RIMS2: variants seen among roughly 807,000 people sequenced by gnomAD.
The protein encoded by RIMS2 is regulating synaptic membrane exocytosis protein 2.
Under a neutral mutation model 174.4 loss-of-function variants are expected in RIMS2, and 59 were observed. The observed-to-expected ratio is 0.34, with a 90% CI of 0.27 to 0.42. The LOEUF is 0.42. Ranked by LOEUF, RIMS2 falls within the 10% of genes least tolerant of loss-of-function variation. RIMS2 has a pLI of 1.00. For missense variants in RIMS2, 1,620 were observed against 1,666.3 expected, an observed-to-expected ratio of 0.97 and a Z score of 0.48; for synonymous variants, 606 against 572.5, an observed-to-expected ratio of 1.06 and a Z score of -0.84.
At chr8:104,093,944 A>G (rs1390903143) in intron 19 of RIMS2, among the ~76,000 whole-genome samples, 1 of 151,948 alleles carries the variant, frequency 6.6e-6, no homozygotes, top group African/African-American at 2.4e-5. Flanking sequence ...AATAAAAGTG[A>G]TGGCTGAGAC....
intron 19 of RIMS2, among the ~76,000 whole-genome samples, chr8:104,219,456 CT>C (rs370580107): frequency 2.6e-3 from 392 of 152,284 alleles, no homozygotes; most frequent in African/African-American, 8.7e-3. Context: ...TGATGACATT[CT>C]GTCAGGATTG....
chr8:104,135,613 CAAA>C (rs35163912), intron 19 of RIMS2, among the ~76,000 whole-genome samples: 50 of 79,644 alleles, frequency 6.3e-4, no homozygotes, highest in South Asian at 2.6e-3. Flanking sequence ...CTCCCAACCT[CAAA>C]AAAAAAAAAA....
At chr8:103,728,445 T>C (rs1416788874) in intron 2 of RIMS2, among the ~76,000 whole-genome samples, 1 of 152,094 alleles carries the variant, frequency 6.6e-6, no homozygotes, top group Non-Finnish European at 1.5e-5. Context: ...GGTTGCTCTG[T>C]CTAGGACTTC....
At position 104,235,265 on chromosome 8, in the gene RIMS2, G is replaced by A. The variant is rs576136846; in HGVS notation, c.3335-9651G>A. Among the ~76,000 whole-genome samples the A allele has an allele frequency of 1.7e-3, 266 of 152,244 alleles. 1 individual carries two copies. The highest frequency in any genetic ancestry group is 5.9e-3 in the African/African-American group (247 of 41,564). On this transcript the variant is annotated intron_variant, in intron 19 of 23. Transcript: ENST00000504942. Reference sequence around the variant, plus strand: ...TAGAAATTTGTGTCCAAAATACTAAGTGAAGATGGAAGCCCAGCATGCTTT... The same window carrying A: ...TAGAAATTTGTGTCCAAAATACTAAATGAAGATGGAAGCCCAGCATGCTTT...
rs778105581 is a variant in RIMS2, at chr8:104,068,508, A to G, written c.3334+53893A>G. ...AATTTTATGGGTTTTTTTCTACTCG[A>G]TAGGTACTATGGATATAGAGGAGAG... is the stretch of plus-strand genomic sequence containing the variant. On this transcript the variant is annotated intron_variant, in intron 19 of 23. Coordinates refer to ENST00000504942, the Ensembl canonical transcript of RIMS2. 5 of 1,351,000 alleles carry G rather than the reference A, an allele frequency of 3.7e-6. No individual in the cohort carries two copies. The highest frequency in any genetic ancestry group is 1.8e-4 in the Middle Eastern group (1 of 5,606). 83.7% of individuals were successfully genotyped at this position (1,351,000 alleles called of 1,614,324 possible).
chr8:103,870,352 CCACCACCACCAT>C (rs1431581395), intron 3 of RIMS2, among the ~76,000 whole-genome samples: 2 of 151,766 alleles, frequency 1.3e-5, no homozygotes, highest in East Asian at 1.9e-4. Context: ...ACTCTTATCA[CCACCACCACCAT>C]CACCACCACC....
chr8:103,808,606 C>A (rs1034630255), intron 3 of RIMS2, among the ~76,000 whole-genome samples: 7 of 152,102 alleles, frequency 4.6e-5, no homozygotes, highest in Non-Finnish European at 8.8e-5. Context: ...TTTCTTCTCC[C>A]TCAACCTGCT....
intron 3 of RIMS2, among the ~76,000 whole-genome samples, chr8:103,837,410 A>G (rs1446012089): frequency 6.6e-6 from 1 of 152,212 alleles, no homozygotes; most frequent in East Asian, 1.9e-4. Context: ...TTTAGGGTAC[A>G]TGTGCACAAC....
chr8:103,901,378 CA>C (rs2099327191), intron 4 of RIMS2, among the ~76,000 whole-genome samples: 1 of 152,100 alleles, frequency 6.6e-6, no homozygotes, highest in Non-Finnish European at 1.5e-5. Context: ...TCCCTACTTT[CA>C]GGAATCTGCC....
intron 1 of RIMS2, among the ~76,000 whole-genome samples, chr8:103,646,557 G>C (rs544241638): frequency 6.6e-6 from 1 of 152,008 alleles, no homozygotes; most frequent in Non-Finnish European, 1.5e-5. Context: ...ACCCAGTTCC[G>C]ACAGGCCTCA....
At chr8:103,885,924 C>T (rs542071469) in exon 4 of RIMS2, 6 of 1,612,976 alleles carry the variant, frequency 3.7e-6, no homozygotes, top group East Asian at 4.5e-5. Flanking sequence ...AGTCCACTAC[C>T]CATAGATAGA....
chr8:103,760,298 T>A (rs1023438065), intron 2 of RIMS2, among the ~76,000 whole-genome samples: 6 of 152,224 alleles, frequency 3.9e-5, no homozygotes, highest in African/African-American at 9.6e-5. Flanking sequence ...TTACAATTCA[T>A]GGTAAATCTG....
intron 15 of RIMS2, among the ~76,000 whole-genome samples, chr8:103,963,220 A>T (rs1177559192): frequency 6.6e-6 from 1 of 152,102 alleles, no homozygotes; most frequent in East Asian, 1.9e-4. Flanking sequence ...GGGTAAAGCA[A>T]CTCAGATGTG....
intron 19 of RIMS2, among the ~76,000 whole-genome samples, chr8:104,118,536 A>G (rs1184873678): frequency 2.6e-5 from 4 of 151,646 alleles, no homozygotes; most frequent in African/African-American, 9.7e-5. Flanking sequence ...GGCATGTGCC[A>G]GTTTGTATTT....
intron 1 of RIMS2, among the ~76,000 whole-genome samples, chr8:103,528,618 A>C (rs1267259640): frequency 6.6e-6 from 1 of 152,212 alleles, no homozygotes; most frequent in African/African-American, 2.4e-5. Flanking sequence ...ATGGCTAGCC[A>C]GTTTTCCCAG....
At chr8:104,029,865 C>T (rs371095798) in intron 19 of RIMS2, among the ~76,000 whole-genome samples, 4 of 152,170 alleles carry the variant, frequency 2.6e-5, no homozygotes, top group East Asian at 3.9e-4. Flanking sequence ...CTTAATTATT[C>T]GTAGATAACA....
chr8:104,096,831 G>A (rs1011797847), intron 19 of RIMS2, among the ~76,000 whole-genome samples: 2 of 150,140 alleles, frequency 1.3e-5, no homozygotes, highest in Non-Finnish European at 3.0e-5. Context: ...TCATGCCACT[G>A]CAATCCAGCC....
intron 19 of RIMS2, among the ~76,000 whole-genome samples, chr8:104,163,964 A>G (rs1270268368): frequency 6.6e-6 from 1 of 152,096 alleles, no homozygotes; most frequent in Non-Finnish European, 1.5e-5. Flanking sequence ...CCTCCAGGAA[A>G]GGCACTGTGC....
chr8:103,594,746 CAAAG>C (rs2094418815), intron 1 of RIMS2, among the ~76,000 whole-genome samples: 2 of 151,676 alleles, frequency 1.3e-5, no homozygotes, highest in South Asian at 4.2e-4. Context: ...AACCTCAAGA[CAAAG>C]AAAGAAAATA....
Sources: allele counts gnomAD v4.1 joint callset (sites outside exome capture counted in the v4.1 genomes callset), GRCh38; gene constraint gnomAD v4.1.1; transcripts MANE v1.5; gene names NCBI Gene and HGNC (gene_info 2026-07-23, HGNC 2026-07-21).